Variants in MEF2C observed in about 807,000 individuals in gnomAD.
MEF2C encodes the protein myocyte enhancer factor 2C, also known as myocyte-specific enhancer factor 2C.
A neutral mutation model predicts 50.5 loss-of-function variants in MEF2C; 6 were observed. The observed-to-expected ratio is 0.12, with a 90% CI of 0.07 to 0.23. MEF2C has a LOEUF of 0.23. Among genes scored for constraint, MEF2C ranks in the 10% least tolerant of loss-of-function variants. The probability of loss-of-function intolerance (pLI) is 1.00; values close to 1 mark genes in which losing one functional copy is unlikely to be tolerated. For synonymous variants in MEF2C, 183 were observed against 228.0 expected (o/e 0.80, Z 1.78); for missense variants, 276 against 605.0 (o/e 0.46, Z 5.70).
chr5:88,806,810 G>A (rs1290707940), intron 2 of MEF2C, among the ~76,000 whole-genome samples: 1 of 150,466 alleles, frequency 6.6e-6, no homozygotes, highest in Non-Finnish European at 1.5e-5. Flanking sequence ...ATATTTTCCT[G>A]TGTGATCTGT....
Position 88,748,778 on chromosome 5 carries a change from CTT to C in MEF2C, c.637+290_637+291del, listed in dbSNP as rs202080301. On this transcript the variant is annotated intron_variant, in intron 6 of 10. Transcript: ENST00000504921. ...AAAAGTATGGTTTGCTAAAGGTACT[CTT>C]GTGTCCAAGGATGGTATCCAGGATT... The C allele has an allele frequency of 1.4e-4, 137 of 985,378 alleles. 2 individuals carry two copies. In the East Asian group the frequency reaches 0.013, roughly 96 times the overall value. 61.0% of individuals were successfully genotyped at this position (985,378 alleles called of 1,614,324 possible).
chr5:88,719,896 G>C lies in MEF2C; in HGVS notation c.*2708C>G, dbSNP rs1416109648. 6.6e-6 allele frequency: 1 copy of C among 152,146 alleles called. No homozygotes were observed. The highest frequency in any genetic ancestry group is 6.5e-5 in the Admixed American group (1 of 15,278). 9.4% of individuals were successfully genotyped at this position (152,146 alleles called of 1,614,324 possible). ...TCATGTTCTTATAAAACTATTGTCA[G>C]AACTGCTATAAATAGCCAAGGCTTC... On this transcript the variant is annotated 3_prime_UTR_variant, in exon 11 of 11. Transcript: ENST00000504921.
intron 1 of MEF2C, among the ~76,000 whole-genome samples, chr5:88,832,557 C>T (rs1241241668): frequency 6.6e-6 from 1 of 152,074 alleles, no homozygotes; most frequent in African/African-American, 2.4e-5. Flanking sequence ...TGTGCTACTC[C>T]AGGGAAATGA....
chr5:88,880,706 G>A (rs1832574064), intron 1 of MEF2C: 1 of 151,764 alleles, frequency 6.6e-6, no homozygotes, highest in Admixed American at 6.6e-5. Context: ...TTTTCAAAAT[G>A]AACATGTTTA....
chr5:88,873,634 G>A (rs1293385865), intron 1 of MEF2C, among the ~76,000 whole-genome samples: 2 of 148,110 alleles, frequency 1.4e-5, no homozygotes, highest in African/African-American at 5.0e-5. Flanking sequence ...TTCAACCCAA[G>A]AGTCATAGGG....
chr5:88,764,787 AAC>A (rs1208675362), intron 3 of MEF2C, among the ~76,000 whole-genome samples: 1 of 141,190 alleles, frequency 7.1e-6, no homozygotes, highest in African/African-American at 2.6e-5. Context: ...CAGCCTGGGC[AAC>A]AGAGTGAGAC....
chr5:88,739,019 T>A, intron 6 of MEF2C: 1 of 981,068 alleles, frequency 1.0e-6, no homozygotes, highest in Non-Finnish European at 1.2e-6. Flanking sequence ...TAGTCAATAA[T>A]CTTCTCCCCT....
chr5:88,764,259 A>G (rs1779025560), intron 3 of MEF2C, among the ~76,000 whole-genome samples: 1 of 152,178 alleles, frequency 6.6e-6, no homozygotes, highest in African/African-American at 2.4e-5. Context: ...TTGTTGAAAG[A>G]TCTCCACAAA....
intron 1 of MEF2C, among the ~76,000 whole-genome samples, chr5:88,835,518 G>A (rs570689681): frequency 6.6e-6 from 1 of 151,854 alleles, no homozygotes; most frequent in Non-Finnish European, 1.5e-5. Context: ...GCGTTTTTAA[G>A]AAAAAAATAC....
At chr5:88,772,544 T>C (rs1183570751) in intron 3 of MEF2C, among the ~76,000 whole-genome samples, 1 of 152,240 alleles carries the variant, frequency 6.6e-6, no homozygotes, top group Non-Finnish European at 1.5e-5. Context: ...CAGTTTTCAA[T>C]TTGGGACAGC....
chr5:88,769,774 A>G lies in MEF2C; in HGVS notation c.259-8446T>C, dbSNP rs1781578783. ...ATCTTCCCACTTCAGTCTCCCAAGTAGCTGGAATTACAGGTGTGTGCCATC... is the reference window on the plus strand; with the variant it reads ...ATCTTCCCACTTCAGTCTCCCAAGTGGCTGGAATTACAGGTGTGTGCCATC... On this transcript the variant is annotated intron_variant, in intron 3 of 10. Transcript: ENST00000504921. Among the ~76,000 whole-genome samples, 4 of 152,120 alleles carry G rather than the reference A, an allele frequency of 2.6e-5. No individual in the cohort carries two copies. In the South Asian group the frequency reaches 8.3e-4, roughly 32 times the overall value.
Position 88,890,402 on chromosome 5 carries a change from G to A in MEF2C, c.-239-2804C>T, listed in dbSNP as rs560315311. ...GCATTGTGGAATACTCAATTACATC[G>A]AAGGTGTAAAAACGTTTATGTTATC... On this transcript the variant is annotated intron_variant, in intron 1 of 11. Transcript: ENST00000340208. Among the ~76,000 whole-genome samples, 11 of 152,304 alleles carry A rather than the reference G, an allele frequency of 7.2e-5. No individual in the cohort carries two copies. In the South Asian group the frequency reaches 2.3e-3, roughly 32 times the overall value.
intron 1 of MEF2C, among the ~76,000 whole-genome samples, chr5:88,867,952 C>G (rs572988473): frequency 5.3e-5 from 8 of 152,274 alleles, no homozygotes; most frequent in Admixed American, 2.0e-4. Context: ...ATTTCTTAGT[C>G]TGTGAATAAT....
intron 3 of MEF2C, among the ~76,000 whole-genome samples, chr5:88,795,797 A>G (rs1299473826): frequency 6.6e-6 from 1 of 152,188 alleles, no homozygotes; most frequent in Non-Finnish European, 1.5e-5. Flanking sequence ...AGCTCTTATT[A>G]TTTTGAGATA....
chr5:88,795,330 T>A (rs921192688), intron 3 of MEF2C, among the ~76,000 whole-genome samples: 8 of 152,322 alleles, frequency 5.3e-5, no homozygotes, highest in African/African-American at 1.9e-4. Context: ...TGGGCAGTGG[T>A]GTGCAGTTCT....
intron 1 of MEF2C, among the ~76,000 whole-genome samples, chr5:88,859,085 G>C (rs1358656877): frequency 6.6e-6 from 1 of 152,142 alleles, no homozygotes; most frequent in African/African-American, 2.4e-5. Flanking sequence ...ATTGTTATTT[G>C]TATTACAACA....
chr5:88,825,640 G>A (rs2153224652), intron 1 of MEF2C: 1 of 984,766 alleles, frequency 1.0e-6, no homozygotes, highest in South Asian at 4.7e-5. Flanking sequence ...GATGTTGCTA[G>A]ACACTGTCCA....
chr5:88,820,814 T>C (rs1446126909), intron 2 of MEF2C, among the ~76,000 whole-genome samples: 1 of 152,026 alleles, frequency 6.6e-6, no homozygotes, highest in Non-Finnish European at 1.5e-5. Flanking sequence ...TTATTAGAAG[T>C]GACCTACATA....
intron 1 of MEF2C, among the ~76,000 whole-genome samples, chr5:88,882,354 T>C (rs1363118000): frequency 6.6e-6 from 1 of 152,206 alleles, no homozygotes; most frequent in Admixed American, 6.5e-5. Context: ...TAGACTACTA[T>C]GGCAGGGATA....
Sources: allele counts gnomAD v4.1 joint callset (sites outside exome capture counted in the v4.1 genomes callset), GRCh38; gene constraint gnomAD v4.1.1; transcripts MANE v1.5; gene names NCBI Gene and HGNC (gene_info 2026-07-23, HGNC 2026-07-21).